Variants in SSPN observed in about 807,000 individuals in gnomAD.
The protein encoded by SSPN is sarcospan.
SSPN carries 15 observed loss-of-function variants against 19.1 expected under a neutral mutation model. That is an observed-to-expected ratio of 0.78 (90% CI 0.52 to 1.21). SSPN has a LOEUF of 1.21. Ranked by LOEUF, SSPN falls within the 50% of genes most tolerant of loss-of-function variation. The pLI is 0.00. For synonymous variants in SSPN, 147 were observed against 140.3 expected, an observed-to-expected ratio of 1.05 and a Z score of -0.34; for missense variants, 291 against 314.0, an observed-to-expected ratio of 0.93 and a Z score of 0.55.
intron 1 of SSPN, among the ~76,000 whole-genome samples, chr12:26,157,458 TTGGGTCAAC>T (rs1415400450): frequency 2.0e-5 from 3 of 152,164 alleles, no homozygotes; most frequent in African/African-American, 7.2e-5. Flanking sequence ...TCCATTTAAA[TTGGGTCAAC>T]TCATCCTCAG....
intron 1 of SSPN, among the ~76,000 whole-genome samples, chr12:26,220,060 C>G (rs184225044): frequency 6.6e-6 from 1 of 152,088 alleles, no homozygotes; most frequent in Non-Finnish European, 1.5e-5. Context: ...CTTCCTGGCA[C>G]GTCCACGTCC....
chr12:26,175,770 T>A (rs549228009), intron 1 of SSPN, among the ~76,000 whole-genome samples: 8 of 152,062 alleles, frequency 5.3e-5, no homozygotes, highest in East Asian at 1.9e-4. Context: ...ATAAAAAAAA[T>A]TACAAAAACT....
intron 1 of SSPN, among the ~76,000 whole-genome samples, chr12:26,212,647 G>GA (rs879255817): frequency 4.3e-4 from 61 of 142,100 alleles, no homozygotes; most frequent in East Asian, 8.1e-4. Flanking sequence ...TTACTCTAAT[G>GA]AAAAAAAAAA....
In SSPN at chr12:26,231,331, A is replaced by G. The variant is rs1945230486; in HGVS notation, c.*255A>G. 2.4e-6 allele frequency: 1 copy of G among 424,218 alleles called. No individual in the cohort carries two copies. The highest frequency in any genetic ancestry group is 4.1e-6 in the Non-Finnish European group (1 of 244,988). 26.3% of individuals were successfully genotyped at this position (424,218 alleles called of 1,614,324 possible). A position where few individuals can be genotyped will look rare whatever the true frequency, so the allele number is the denominator to read the frequency against. ...AAAGTTAACAGAACACTGAACAAGG[A>G]AAGAATGGCATAGATCTATCTTTAC... On this transcript the variant is annotated 3_prime_UTR_variant, in exon 3 of 3. Coordinates refer to ENST00000242729, the MANE Select transcript of SSPN (RefSeq NM_005086.5).
chr12:26,232,578 A>G lies in SSPN; in HGVS notation c.*1502A>G. 1 of 985,442 alleles carries G rather than the reference A, an allele frequency of 1.0e-6. No individual in the cohort carries two copies. The highest frequency in any genetic ancestry group is 1.2e-6 in the Non-Finnish European group (1 of 829,922). The allele number at this position is 985,442 out of a possible 1,614,324, so 61.0% of individuals were successfully genotyped here. A position where few individuals can be genotyped will look rare whatever the true frequency, so the allele number is the denominator to read the frequency against. ...ATCATGAAATTCTAACCTAAAAGGA[A>G]AACATTTTCCTGCTTGTCTTAGAAG... On this transcript the variant is annotated 3_prime_UTR_variant, in exon 3 of 3. Transcript: ENST00000242729.
At chr12:26,214,914 A>G (rs1332900522) in intron 1 of SSPN, 1 of 152,100 alleles carries the variant, frequency 6.6e-6, no homozygotes, top group African/African-American at 2.4e-5. Context: ...ACATTGGGGG[A>G]AGCTGATTCA....
chr12:26,156,302 C>T (rs989583204), intron 1 of SSPN, among the ~76,000 whole-genome samples: 3 of 152,138 alleles, frequency 2.0e-5, no homozygotes, highest in East Asian at 1.9e-4. Context: ...CTGTCTGCAG[C>T]GTTAGAAAGC....
chr12:26,167,037 T>C (rs2137429422), intron 1 of SSPN, among the ~76,000 whole-genome samples: 1 of 152,350 alleles, frequency 6.6e-6, no homozygotes, highest in East Asian at 1.9e-4. Context: ...GGGCAATAAC[T>C]AGCTACCAAT....
chr12:26,150,731 T>C (rs960605142), intron 1 of SSPN, among the ~76,000 whole-genome samples: 4 of 152,232 alleles, frequency 2.6e-5, no homozygotes, highest in Non-Finnish European at 5.9e-5. Context: ...CCAAATGCTG[T>C]GAGTGCTAGT....
At position 26,231,409 on chromosome 12, in the gene SSPN, C is replaced by A. The variant is rs553414645; in HGVS notation, c.*333C>A. ...TTTTATCCATTCCTTACATAATCTT[C>A]TTTCCTGTTAGTCCAGTTTGATGGT... On this transcript the variant is annotated 3_prime_UTR_variant, in exon 3 of 3. Transcript: ENST00000242729. 4.7e-6 allele frequency: 1 copy of A among 213,278 alleles called. No homozygotes were observed. The allele number at this position is 213,278 out of a possible 1,614,324, so 13.2% of individuals were successfully genotyped here.
rs1330252881 is a variant in SSPN at position 26,224,446 on chromosome 12, GTGCCTTCTTAAGGGGT to G, written c.366+71_366+86del. The G allele has an allele frequency of 3.6e-6, 5 of 1,373,850 alleles. No homozygotes were observed. The African/African-American group carries it at 7.1e-5, about 20-fold the overall frequency. The allele number at this position is 1,373,850 out of a possible 1,614,324, so 85.1% of individuals were successfully genotyped here. A position where few individuals can be genotyped will look rare whatever the true frequency, so the allele number is the denominator to read the frequency against. On this transcript the variant is annotated intron_variant, in intron 2 of 2. Coordinates refer to ENST00000242729, the MANE Select transcript of SSPN (RefSeq NM_005086.5). ...AGAAATCCAAGTACAAAATAAAGGAGTGCCTTCTTAAGGGGTTGCATATCTGATTAGTCTAGAAATT... is the reference window on the plus strand; with the variant it reads ...AGAAATCCAAGTACAAAATAAAGGAGTGCATATCTGATTAGTCTAGAAATT...
At chr12:26,173,106 A>G (rs1473223938) in intron 1 of SSPN, among the ~76,000 whole-genome samples, 3 of 152,030 alleles carry the variant, frequency 2.0e-5, no homozygotes, top group African/African-American at 7.3e-5. Context: ...TTCACTGCCT[A>G]TTTGTACTTA....
chr12:26,172,120 C>T (rs1253261240), intron 1 of SSPN, among the ~76,000 whole-genome samples: 1 of 152,142 alleles, frequency 6.6e-6, no homozygotes, highest in Non-Finnish European at 1.5e-5. Context: ...TATTGTTGCT[C>T]AGGCTGGTAT....
intron 1 of SSPN, chr12:26,122,741 C>G: frequency 6.3e-7 from 1 of 1,595,618 alleles, no homozygotes; most frequent in Non-Finnish European, 8.5e-7. Flanking sequence ...GGCTCGCCCC[C>G]GCGCCTTTGC....
chr12:26,191,752 G>A (rs1193839363), upstream of SSPN, among the ~76,000 whole-genome samples: 1 of 151,698 alleles, frequency 6.6e-6, no homozygotes, highest in Non-Finnish European at 1.5e-5. Flanking sequence ...TATCCCTAGA[G>A]TCATTTTAGG....
chr12:26,147,539 G>A (rs1429605179), intron 1 of SSPN, among the ~76,000 whole-genome samples: 2 of 152,166 alleles, frequency 1.3e-5, no homozygotes, highest in Non-Finnish European at 2.9e-5. Context: ...CCAAAGTGCT[G>A]AGATTACCAG....
At chr12:26,192,897 CCTA>C (rs10568233), upstream of SSPN, among the ~76,000 whole-genome samples, 37,187 of 152,010 alleles carry the variant, frequency 0.24, 5,078 homozygotes, top group South Asian at 0.37. Flanking sequence ...ATAGCAATAT[CCTA>C]CTATCTTGTT....
At chr12:26,222,922 GC>G (rs1181788072) in intron 1 of SSPN, among the ~76,000 whole-genome samples, 4 of 152,140 alleles carry the variant, frequency 2.6e-5, no homozygotes, top group African/African-American at 9.7e-5. Flanking sequence ...TTATGCAATA[GC>G]CAAGATGTAT....
In SSPN at chr12:26,222,663, T is replaced by G. The variant is rs557912214; in HGVS notation, c.280-1630T>G. On this transcript the variant is annotated intron_variant, in intron 1 of 2. Coordinates refer to ENST00000242729, the MANE Select transcript of SSPN (RefSeq NM_005086.5). ...TTGAAAGTGTGGAACTTTATCAATG[T>G]TTTAAGCTTTCCAAAATTGAATGTG... 1.0e-4 allele frequency among the ~76,000 whole-genome samples: 16 copies of G among 152,382 alleles called. No individual in the cohort carries two copies. In the South Asian group the frequency reaches 3.3e-3, roughly 32 times the overall value.
Sources: gnomAD v4.1 joint callset for allele counts (sites outside exome capture counted in the v4.1 genomes callset) on GRCh38, gnomAD v4.1.1 for gene constraint, MANE v1.5 for transcripts, NCBI Gene and HGNC (gene_info 2026-07-23, HGNC 2026-07-21) for gene names.